Variants in ZMYM6 observed in about 807,000 individuals in gnomAD.
ZMYM6 encodes zinc finger MYM-type containing 6.
In ZMYM6, 90 loss-of-function variants were observed where a neutral mutation model predicts 134.0. The ratio of observed to expected loss-of-function variants is 0.67; its 90% confidence interval spans 0.57 to 0.80. ZMYM6 has a LOEUF of 0.80. Among genes scored for constraint, ZMYM6 ranks in the 30% least tolerant of loss-of-function variants. The pLI is 0.00. For synonymous variants in ZMYM6, 481 were observed against 524.1 expected (o/e 0.92, Z 1.12); for missense variants, 1,362 against 1,533.9 (o/e 0.89, Z 1.87).
chr1:35,019,402 G>C lies in ZMYM6; in HGVS notation c.379C>G (p.Pro127Ala), dbSNP rs1641264159. 9.9e-6 allele frequency: 16 copies of C among 1,614,196 alleles called. No homozygotes were observed. Among genetic ancestry groups the C allele is most frequent in the Non-Finnish European group, 1.4e-5 (16 of 1,180,024 alleles). Residue 127 changes from proline to alanine, a missense_variant, in exon 4 of 16, where the codon CCT becomes GCT. Physicochemically the swap from Pro to Ala is conservative, Grantham distance 27 (BLOSUM62 -1). Coordinates refer to ENST00000357182, the MANE Select transcript of ZMYM6 (RefSeq NM_007167.4). ...STRCITRHSS[P>A]ACLPPPPKKT... ...TTGGGAGGAGGTGGCAGGCAGGCAGGTGAAGAATGTCTGGTGATGCATCGT... is the reference window on the plus strand; with the variant it reads ...TTGGGAGGAGGTGGCAGGCAGGCAGCTGAAGAATGTCTGGTGATGCATCGT...
In ZMYM6 at chr1:35,012,439, G is replaced by A; in HGVS notation, c.938C>T (p.Thr313Ile). 6.5e-7 allele frequency: 1 copy of A among 1,542,364 alleles called. No individual in the cohort carries two copies. The highest frequency in any genetic ancestry group is 2.2e-5 in the Admixed American group (1 of 46,388). The change falls in exon 7 of 16, where the codon ACT becomes ATT. Residue 313 changes from threonine (T) to isoleucine (I), a missense_variant. Transcript: ENST00000357182. ...TCAAATTTAAACATTACCTGAAGAA[G>A]TAACAGTCTTAACTCTGTAAGCAGA... ...CLSAYRVKTV[T>I]SSGVQVSCHS... is the part of the protein sequence containing the mutation.
At chr1:35,016,896 T>G (rs1300792415) in intron 4 of ZMYM6, among the ~76,000 whole-genome samples, 2 of 151,868 alleles carry the variant, frequency 1.3e-5, no homozygotes, top group South Asian at 2.1e-4. Context: ...TCTCAGTTAC[T>G]CAGGATGCTG....
chr1:35,011,779 T>C, intron 8 of ZMYM6, 111 bp downstream of exon 8: 1 of 751,376 alleles, frequency 1.3e-6, no homozygotes, highest in Non-Finnish European at 1.9e-6. Flanking sequence ...AATTTTTTTC[T>C]TTTTAATTCA....
chr1:35,027,105 T>C (rs1641428011), intron 2 of ZMYM6, among the ~76,000 whole-genome samples: 1 of 152,208 alleles, frequency 6.6e-6, no homozygotes, highest in African/African-American at 2.4e-5. Flanking sequence ...GCTTATTTCT[T>C]CTTCCACCGG....
chr1:35,015,743 A>AAAAAAAAAAAAAATAT, intron 4 of ZMYM6, among the ~76,000 whole-genome samples: 2 of 106,470 alleles, frequency 1.9e-5, no homozygotes, highest in African/African-American at 1.3e-4. Flanking sequence ...AAAAAAAAAA[A>AAAAAAAAAAAAAATAT]ATATATATAT....
chr1:35,010,319 C>G, intron 10 of ZMYM6, 128 bp downstream of exon 10: 1 of 1,246,156 alleles, frequency 8.0e-7, no homozygotes, highest in Non-Finnish European at 1.1e-6. Context: ...CCATGCCCGG[C>G]CTCCAAAATA....
intron 14 of ZMYM6, among the ~76,000 whole-genome samples, chr1:34,997,342 C>T (rs1454610455): frequency 1.3e-5 from 2 of 152,160 alleles, no homozygotes; most frequent in Non-Finnish European, 2.9e-5. Flanking sequence ...CTCACTCTGT[C>T]ACCCAGACTG....
intron 14 of ZMYM6, among the ~76,000 whole-genome samples, chr1:35,001,534 A>G (rs1233005668): frequency 2.0e-5 from 3 of 152,146 alleles, no homozygotes; most frequent in African/African-American, 4.8e-5. Flanking sequence ...GCATTCTCAG[A>G]GTACATAAAT....
chr1:35,030,670 G>T lies in ZMYM6; in HGVS notation c.-31C>A. ...TTTTTTACCTCAAAGAGTGTCTCAG[G>T]CTCAAACGAATAGATTTCTTCTTGG... On this transcript the variant is annotated 5_prime_UTR_variant, in exon 2 of 16. Transcript: ENST00000357182. 6.3e-7 allele frequency: 1 copy of T among 1,588,260 alleles called. No homozygotes were observed. Among genetic ancestry groups the T allele is most frequent in the South Asian group, 1.1e-5 (1 of 88,620 alleles).
chr1:35,019,967 G>A (rs1336562455), intron 3 of ZMYM6, among the ~76,000 whole-genome samples: 1 of 152,080 alleles, frequency 6.6e-6, no homozygotes, highest in Non-Finnish European at 1.5e-5. Context: ...ACTAAACCCA[G>A]CCCAGTCTCT....
intron 15 of ZMYM6, among the ~76,000 whole-genome samples, chr1:34,991,603 C>G (rs1325426534): frequency 6.6e-6 from 1 of 152,064 alleles, no homozygotes; most frequent in Non-Finnish European, 1.5e-5. Flanking sequence ...AACCCCGTCT[C>G]TACTAAAAAT....
intron 14 of ZMYM6, 156 bp downstream of exon 14, chr1:35,003,811 CA>C (rs2148449183): frequency 1.6e-6 from 1 of 631,366 alleles, no homozygotes; most frequent in Admixed American, 3.3e-5. Flanking sequence ...AAGCCTATGC[CA>C]GTCACTTTAC....
Position 35,007,143 on chromosome 1 carries a change from A to T in ZMYM6, c.1666-45T>A, listed in dbSNP as rs763872677. Reference sequence around the variant, plus strand: ...CAAGATAGGCTTAAAACTATAAAATAATGAAAAGATAACATTAATCATAAA... The same window carrying T: ...CAAGATAGGCTTAAAACTATAAAATTATGAAAAGATAACATTAATCATAAA... On this transcript the variant is annotated intron_variant, in intron 11 of 15. Transcript: ENST00000357182. 3.2e-6 allele frequency: 5 copies of T among 1,543,144 alleles called. No individual in the cohort carries two copies. The South Asian group carries it at 6.3e-5, about 19-fold the overall frequency.
In ZMYM6 at chr1:34,988,457, A is replaced by C. The variant is rs758452351; in HGVS notation, c.2625T>G (p.Thr875=). 6.4e-7 allele frequency: 1 copy of C among 1,551,358 alleles called. No individual in the cohort carries two copies. The highest frequency in any genetic ancestry group is 1.2e-5 in the South Asian group (1 of 83,966). Residue 875 remains threonine (T), a synonymous_variant, in exon 16 of 16, where the codon ACT becomes ACG. Coordinates refer to ENST00000357182, the MANE Select transcript of ZMYM6 (RefSeq NM_007167.4). The stretch of plus-strand genomic sequence containing the variant: ...GAATTGTAACATTAGAAAGTGGAAT[A>C]GTTTTCATTTTGTCTCCAGCACTTG... ...LGSSAGDKMK[T]IPLSNVTIQH... is the part of the protein sequence containing the mutation.
chr1:35,028,960 G>C (rs1240966972), intron 2 of ZMYM6, among the ~76,000 whole-genome samples: 1 of 152,018 alleles, frequency 6.6e-6, no homozygotes, highest in Non-Finnish European at 1.5e-5. Flanking sequence ...GGAGGCTGAG[G>C]TGGGTGGATC....
At chr1:34,998,572 A>C (rs1640827597) in intron 14 of ZMYM6, among the ~76,000 whole-genome samples, 1 of 152,160 alleles carries the variant, frequency 6.6e-6, no homozygotes, top group African/African-American at 2.4e-5. Flanking sequence ...GGTCACTGCA[A>C]TAATCCAAAA....
rs745505471 is a variant in ZMYM6, at chr1:35,008,822, C to T, written c.1595G>A (p.Arg532Gln). The T allele has an allele frequency of 3.1e-6, 5 of 1,614,154 alleles. No individual in the cohort carries two copies. The highest frequency in any genetic ancestry group is 2.2e-5 in the East Asian group (1 of 44,870). The stretch of plus-strand genomic sequence containing the variant: ...AAACTCTTCTAACTTGCCCTCCAAT[C>T]GATTTTCTACCAAATTTGGGGATGT... ...SQTSPNLVEN[R>Q]LEGKLEEFCC... Residue 532 changes from arginine to glutamine, a missense_variant, in exon 11 of 16, where the codon CGA becomes CAA. Physicochemically the swap from Arg to Gln is conservative, Grantham distance 43. Around this residue, in one of 3 missense-constraint regions of ZMYM6, gnomAD observed 824 missense variants for 940.9 expected, o/e 0.88. Transcript: ENST00000357182.
At chr1:35,017,629 AACTT>A (rs1390855635) in intron 4 of ZMYM6, 1 of 152,208 alleles carries the variant, frequency 6.6e-6, no homozygotes, top group African/African-American at 2.4e-5. Flanking sequence ...TTTAAGATAA[AACTT>A]AAGATAAACC....
intron 14 of ZMYM6, among the ~76,000 whole-genome samples, chr1:34,994,436 C>T (rs992076841): frequency 6.6e-6 from 1 of 152,050 alleles, no homozygotes; most frequent in African/African-American, 2.4e-5. Context: ...ACTATAGGTG[C>T]AAAAACCCTG....
Sources: allele counts gnomAD v4.1 joint callset (sites outside exome capture counted in the v4.1 genomes callset), GRCh38; gene constraint gnomAD v4.1.1; regional missense constraint gnomAD v4.1.1; transcripts MANE v1.5; gene names NCBI Gene and HGNC (gene_info 2026-07-23, HGNC 2026-07-21).